FRMD4A: variants seen among roughly 807,000 people sequenced by gnomAD.
FRMD4A encodes the protein FERM domain-containing protein 4A.
A neutral mutation model predicts 129.1 loss-of-function variants in FRMD4A; 29 were observed. The observed-to-expected ratio is 0.22, with a 90% CI of 0.17 to 0.31. FRMD4A has a LOEUF of 0.31. FRMD4A is among the 10% of genes least tolerant of loss of function. The pLI is 1.00. For missense variants in FRMD4A, 1,272 were observed against 1,375.8 expected (o/e 0.92, Z 1.19); for synonymous variants, 634 against 571.6 (o/e 1.11, Z -1.56).
At chr10:14,011,521 T>C (rs2095682316) in intron 2 of FRMD4A, among the ~76,000 whole-genome samples, 1 of 152,172 alleles carries the variant, frequency 6.6e-6, no homozygotes. Context: ...CTGGCCCTTC[T>C]TTCCATCTGC....
At chr10:13,921,270 C>CTCTTTCTCTCTTTCTTTCTTTCTTTCTT (rs71388133) in intron 2 of FRMD4A, among the ~76,000 whole-genome samples, 17 of 148,198 alleles carry the variant, frequency 1.1e-4, no homozygotes, top group Middle Eastern at 3.5e-3. Context: ...CTCTCTTTCT[C>CTCTTTCTCTCTTTCTTTCTTTCTTTCTT]TCTTTCTTTC....
At chr10:13,822,512 T>A (rs2093644718) in intron 3 of FRMD4A, among the ~76,000 whole-genome samples, 1 of 152,192 alleles carries the variant, frequency 6.6e-6, no homozygotes. Flanking sequence ...CTAATGAAAG[T>A]TTCCTATTGG....
At chr10:14,262,932 A>G (rs1031965493) in intron 2 of FRMD4A, among the ~76,000 whole-genome samples, 1 of 152,210 alleles carries the variant, frequency 6.6e-6, no homozygotes, top group African/African-American at 2.4e-5. Flanking sequence ...CCAGAGGGCA[A>G]GCCATGAAAG....
intron 2 of FRMD4A, among the ~76,000 whole-genome samples, chr10:14,089,579 C>T (rs1461110141): frequency 7.5e-6 from 1 of 133,290 alleles, no homozygotes; most frequent in Non-Finnish European, 1.5e-5. Flanking sequence ...CCTGAAACAC[C>T]TTATTTATTG....
chr10:14,173,307 G>A (rs1270750123), intron 2 of FRMD4A, among the ~76,000 whole-genome samples: 4 of 152,130 alleles, frequency 2.6e-5, no homozygotes, highest in Middle Eastern at 3.2e-3. Context: ...AAAACCCCAC[G>A]TTCAAAGCGT....
At chr10:14,208,358 G>C (rs1025417759) in intron 2 of FRMD4A, among the ~76,000 whole-genome samples, 1 of 152,126 alleles carries the variant, frequency 6.6e-6, no homozygotes, top group African/African-American at 2.4e-5. Context: ...CCAGGTCTCT[G>C]GGGAGGGCTG....
intron 2 of FRMD4A, among the ~76,000 whole-genome samples, chr10:13,883,292 C>T (rs1049324276): frequency 6.6e-5 from 10 of 151,870 alleles, no homozygotes; most frequent in African/African-American, 9.7e-5. Flanking sequence ...GAGTTCAAGA[C>T]CAGCCTGGCC....
intron 2 of FRMD4A, among the ~76,000 whole-genome samples, chr10:14,184,278 CATACCACCACAACCGGTT>C (rs1842005385): frequency 7.4e-6 from 1 of 134,698 alleles, no homozygotes. Context: ...ATTACAGGTG[CATACCACCACAACCGGTT>C]AATTTTTTTT....
chr10:13,759,396 T>C (rs2091981201), intron 8 of FRMD4A, among the ~76,000 whole-genome samples: 1 of 152,216 alleles, frequency 6.6e-6, no homozygotes, highest in South Asian at 2.1e-4. Context: ...TGGCAATCCA[T>C]GTGGCCACAC....
chr10:13,737,139 G>A (rs2090676980), intron 12 of FRMD4A, among the ~76,000 whole-genome samples: 1 of 152,138 alleles, frequency 6.6e-6, no homozygotes, highest in South Asian at 2.1e-4. Flanking sequence ...ACCCAGGCTG[G>A]AGTGCAGCAG....
intron 13 of FRMD4A, among the ~76,000 whole-genome samples, chr10:13,706,318 GCAGA>G (rs2087429587): frequency 6.6e-6 from 1 of 151,796 alleles, no homozygotes; most frequent in African/African-American, 2.4e-5. Context: ...AGGTCCAGCG[GCAGA>G]CAAAGAGAGG....
In FRMD4A at chr10:13,715,269, G is replaced by T. The variant is rs1339672923; in HGVS notation, c.760-8156C>A. On this transcript the variant is annotated intron_variant, in intron 12 of 24. Transcript: ENST00000357447. ...GCTTCGTCCTCTCTAAAACGAGGGGGTGTGTGGGCATTCCTACATTCTGTG... is the reference window on the plus strand; with the variant it reads ...GCTTCGTCCTCTCTAAAACGAGGGGTTGTGTGGGCATTCCTACATTCTGTG... Among the ~76,000 whole-genome samples, 3 of 152,130 alleles carry T rather than the reference G, an allele frequency of 2.0e-5. No homozygotes were observed. In the East Asian group the frequency reaches 5.8e-4, roughly 29 times the overall value.
At chr10:14,147,520 G>C (rs1220587921) in intron 2 of FRMD4A, among the ~76,000 whole-genome samples, 1 of 152,088 alleles carries the variant, frequency 6.6e-6, no homozygotes, top group Non-Finnish European at 1.5e-5. Context: ...TGTAGAATCA[G>C]TGTGAGCTCT....
chr10:14,182,582 T>A (rs1261608755), intron 2 of FRMD4A, among the ~76,000 whole-genome samples: 12 of 152,134 alleles, frequency 7.9e-5, no homozygotes, highest in Non-Finnish European at 1.5e-4. Context: ...AATTGGCCTA[T>A]CCTTCATGGT....
At chr10:14,293,409 C>A (rs1845909804) in intron 2 of FRMD4A, among the ~76,000 whole-genome samples, 2 of 152,132 alleles carry the variant, frequency 1.3e-5, no homozygotes, top group South Asian at 4.2e-4. Context: ...TTGCTTACAC[C>A]CAGTCTCATT....
intron 2 of FRMD4A, among the ~76,000 whole-genome samples, chr10:14,129,540 GA>G (rs969051393): frequency 2.0e-5 from 3 of 150,974 alleles, no homozygotes; most frequent in Non-Finnish European, 4.4e-5. Flanking sequence ...GCCCTGCTAG[GA>G]AAAAAAACCT....
At chr10:13,651,536 T>C (rs2081580674) in intron 24 of FRMD4A, 1 of 202,678 alleles carries the variant, frequency 4.9e-6, no homozygotes, top group African/African-American at 2.3e-5. Flanking sequence ...CTACTAAAAA[T>C]ACAAAAATTA....
chr10:13,769,605 CGG>C (rs2092394681), intron 6 of FRMD4A, among the ~76,000 whole-genome samples: 1 of 152,094 alleles, frequency 6.6e-6, no homozygotes, highest in Non-Finnish European at 1.5e-5. Flanking sequence ...CCACTGTGTC[CGG>C]CCCCGAGTTG....
chr10:14,101,385 T>A (rs760998861), intron 2 of FRMD4A, among the ~76,000 whole-genome samples: 18 of 152,134 alleles, frequency 1.2e-4, no homozygotes, highest in Non-Finnish European at 2.6e-4. Flanking sequence ...GCGGGGTTAG[T>A]CTTACGAGTA....
Sources: allele counts gnomAD v4.1 joint callset (sites outside exome capture counted in the v4.1 genomes callset), GRCh38; gene constraint gnomAD v4.1.1; transcripts MANE v1.5; gene names NCBI Gene and HGNC (gene_info 2026-07-23, HGNC 2026-07-21).